The following MARCHF1 variants were observed in gnomAD, a reference collection of about 807,000 sequenced individuals.
MARCHF1 encodes the protein E3 ubiquitin-protein ligase MARCHF1.
Under a neutral mutation model 54.2 loss-of-function variants are expected in MARCHF1, and 40 were observed. The observed-to-expected ratio is 0.74, with a 90% CI of 0.57 to 0.96. MARCHF1 has a LOEUF of 0.96. MARCHF1 is among the 40% of genes least tolerant of loss of function. MARCHF1 has a pLI of 0.00. For synonymous variants in MARCHF1, 236 were observed against 236.3 expected (o/e 1.00, Z 0.01); for missense variants, 586 against 656.5 (o/e 0.89, Z 1.17).
chr4:163,979,262 T>C (rs1273400202), intron 3 of MARCHF1, among the ~76,000 whole-genome samples: 1 of 120,418 alleles, frequency 8.3e-6, no homozygotes, highest in Non-Finnish European at 1.7e-5. Flanking sequence ...TGAGTGAGAA[T>C]ATGCGGTGTT....
intron 1 of MARCHF1, among the ~76,000 whole-genome samples, chr4:164,337,683 T>A (rs780260778): frequency 1.3e-5 from 2 of 152,222 alleles, no homozygotes; most frequent in Non-Finnish European, 2.9e-5. Context: ...CTTACACCCC[T>A]AACTCATAGC....
chr4:164,363,766 C>CATGTGTGTGTGTGTGTGT (rs1554004696), intron 1 of MARCHF1, among the ~76,000 whole-genome samples: 1 of 150,100 alleles, frequency 6.7e-6, no homozygotes, highest in Non-Finnish European at 1.5e-5. Context: ...ATTAATAAGC[C>CATGTGTGTGTGTGTGTGT]GTGTGTGTGT....
At chr4:163,936,915 C>G (rs1751809522) in intron 3 of MARCHF1, among the ~76,000 whole-genome samples, 2 of 152,168 alleles carry the variant, frequency 1.3e-5, no homozygotes, top group African/African-American at 4.8e-5. Context: ...ACAGTTCATC[C>G]TTGGTGGTCA....
intron 4 of MARCHF1, among the ~76,000 whole-genome samples, chr4:163,835,844 G>A (rs765750698): frequency 6.7e-5 from 10 of 148,416 alleles, no homozygotes; most frequent in Non-Finnish European, 1.0e-4. Flanking sequence ...TATGCAGAGA[G>A]TTAACGTACT....
At chr4:164,106,732 A>C (rs1755710585) in intron 2 of MARCHF1, among the ~76,000 whole-genome samples, 1 of 145,662 alleles carries the variant, frequency 6.9e-6, no homozygotes, top group Non-Finnish European at 1.5e-5. Context: ...TAACCTGCAC[A>C]ATGTGCACAT....
At chr4:164,111,127 T>A (rs1220983635) in intron 2 of MARCHF1, among the ~76,000 whole-genome samples, 1 of 151,874 alleles carries the variant, frequency 6.6e-6, no homozygotes, top group Admixed American at 6.6e-5. Flanking sequence ...AATATGATAA[T>A]CCTTGAATGT....
At chr4:163,877,820 C>A (rs745733246) in intron 3 of MARCHF1, among the ~76,000 whole-genome samples, 1 of 152,150 alleles carries the variant, frequency 6.6e-6, no homozygotes, top group Non-Finnish European at 1.5e-5. Context: ...GTCACAAAGT[C>A]TTTTTAAAAG....
intron 1 of MARCHF1, among the ~76,000 whole-genome samples, chr4:164,209,821 A>G (rs1206268039): frequency 6.6e-6 from 1 of 152,176 alleles, no homozygotes; most frequent in Non-Finnish European, 1.5e-5. Context: ...TAATTTTACT[A>G]AGTGGCCTCT....
At position 164,286,450 on chromosome 4, in the gene MARCHF1, T is replaced by C. The variant is rs1468701757; in HGVS notation, c.-323+97420A>G. Among the ~76,000 whole-genome samples, 4 of 152,240 alleles carry C rather than the reference T, an allele frequency of 2.6e-5. No individual in the cohort carries two copies. The East Asian group carries it at 7.7e-4, about 29-fold the overall frequency. ...GCAATGTTTAGTGCTAATTAATGTA[T>C]AATTACTGAATCATTCATTCTAATT... On this transcript the variant is annotated intron_variant, in intron 1 of 9. Coordinates refer to ENST00000514618, the MANE Select transcript of MARCHF1 (RefSeq NM_001394959.1).
intron 2 of MARCHF1, among the ~76,000 whole-genome samples, chr4:164,044,719 G>C (rs1754204500): frequency 6.6e-6 from 1 of 152,010 alleles, no homozygotes; most frequent in Non-Finnish European, 1.5e-5. Context: ...TATATAGTGA[G>C]AGTCTATAGT....
At chr4:164,221,258 C>A (rs1732102781) in intron 1 of MARCHF1, among the ~76,000 whole-genome samples, 1 of 152,018 alleles carries the variant, frequency 6.6e-6, no homozygotes, top group African/African-American at 2.4e-5. Flanking sequence ...TAAGTTAAAG[C>A]AAACATTATG....
intron 8 of MARCHF1, among the ~76,000 whole-genome samples, chr4:163,553,226 A>G (rs2110948164): frequency 6.6e-6 from 1 of 152,318 alleles, no homozygotes; most frequent in South Asian, 2.1e-4. Flanking sequence ...AATGCAGAAC[A>G]CTATCAGGCA....
intron 1 of MARCHF1, among the ~76,000 whole-genome samples, chr4:164,167,263 T>C (rs1233159774): frequency 6.6e-6 from 1 of 151,774 alleles, no homozygotes; most frequent in Non-Finnish European, 1.5e-5. Context: ...GAGATATTGA[T>C]GAAAGAAATT....
At position 163,770,645 on chromosome 4, in the gene MARCHF1, CT is replaced by C. The variant is rs1176696323; in HGVS notation, c.112-69783del. ...GACTCTGAGAGTTTCAAAATCAGGTCTTTTTTTTATCTGTCTTACTTGTGGA... is the reference window on the plus strand; with the variant it reads ...GACTCTGAGAGTTTCAAAATCAGGTCTTTTTTTATCTGTCTTACTTGTGGA... On this transcript the variant is annotated intron_variant, in intron 4 of 9. Coordinates refer to ENST00000514618, the MANE Select transcript of MARCHF1 (RefSeq NM_001394959.1). Among the ~76,000 whole-genome samples the C allele has an allele frequency of 4.0e-5, 6 of 151,434 alleles. No homozygotes were observed. In the South Asian group the frequency reaches 6.3e-4, roughly 16 times the overall value.
At chr4:164,270,379 A>G (rs1212473889) in intron 1 of MARCHF1, among the ~76,000 whole-genome samples, 1 of 152,124 alleles carries the variant, frequency 6.6e-6, no homozygotes, top group East Asian at 1.9e-4. Context: ...CACCTACTTT[A>G]AGAGTCTTCA....
chr4:163,713,345 T>G (rs994058565), intron 4 of MARCHF1, among the ~76,000 whole-genome samples: 1 of 152,098 alleles, frequency 6.6e-6, no homozygotes. Flanking sequence ...AAATAAAAAA[T>G]TTGCCATAAT....
intron 5 of MARCHF1, among the ~76,000 whole-genome samples, chr4:163,682,246 C>A (rs969621746): frequency 6.6e-6 from 1 of 152,040 alleles, no homozygotes; most frequent in East Asian, 1.9e-4. Context: ...GCAAAGTATT[C>A]GAGAGGAAAC....
In MARCHF1 at chr4:164,163,348, T is replaced by C. The variant is rs117059718; in HGVS notation, c.-322-51686A>G. ...TACAAAATAATTGGAGATAAAGTGA[T>C]TGAAATTTCACTGTATTGTTTGGAA... is the stretch of plus-strand genomic sequence containing the variant. On this transcript the variant is annotated intron_variant, in intron 1 of 9. Coordinates refer to ENST00000514618, the MANE Select transcript of MARCHF1 (RefSeq NM_001394959.1). Among the ~76,000 whole-genome samples the C allele has an allele frequency of 1.1e-3, 167 of 152,116 alleles. 3 individuals carry two copies. The East Asian group carries it at 0.023, about 21-fold the overall frequency.
At position 163,528,721 on chromosome 4, in the gene MARCHF1, C is replaced by T. The variant is rs778951782; in HGVS notation, c.*27G>A. ...GGCTGAGGGCTAGAAAGATATTCTT[C>T]GGTGAAGAAACTCCCAACAGGTTCC... On this transcript the variant is annotated 3_prime_UTR_variant, in exon 10 of 10. Transcript: ENST00000514618. 1.1e-5 allele frequency: 18 copies of T among 1,576,976 alleles called. No individual in the cohort carries two copies. Among genetic ancestry groups the T allele is most frequent in the Admixed American group, 8.7e-5 (5 of 57,312 alleles).
Sources: allele counts gnomAD v4.1 joint callset (sites outside exome capture counted in the v4.1 genomes callset), GRCh38; gene constraint gnomAD v4.1.1; transcripts MANE v1.5; gene names NCBI Gene and HGNC (gene_info 2026-07-23, HGNC 2026-07-21).